The following GRXCR1 variants were observed in gnomAD, a reference collection of about 807,000 sequenced individuals.
The protein encoded by GRXCR1 is glutaredoxin and cysteine rich domain containing 1.
A neutral mutation model predicts 27.3 loss-of-function variants in GRXCR1; 27 were observed. The observed-to-expected ratio is 0.99, with a 90% CI of 0.73 to 1.37. The LOEUF (loss-of-function observed/expected upper bound fraction) is 1.37, where lower values mean the gene tolerates loss of function less well. Ranked by LOEUF, GRXCR1 falls within the 40% of genes most tolerant of loss-of-function variation. The pLI is 0.00. For synonymous variants in GRXCR1, 122 were observed against 131.1 expected, an observed-to-expected ratio of 0.93 and a Z score of 0.47; for missense variants, 379 against 354.4, an observed-to-expected ratio of 1.07 and a Z score of -0.56.
At chr4:42,982,504 T>C (rs1430995055) in intron 2 of GRXCR1, among the ~76,000 whole-genome samples, 4 of 121,644 alleles carry the variant, frequency 3.3e-5, no homozygotes, top group African/African-American at 6.3e-5. Context: ...TGAATAATGC[T>C]GCAATAAACA....
At chr4:42,938,745 T>C (rs1163610581) in intron 1 of GRXCR1, among the ~76,000 whole-genome samples, 2 of 152,006 alleles carry the variant, frequency 1.3e-5, no homozygotes, top group Non-Finnish European at 2.9e-5. Context: ...CCCAGCACCA[T>C]TAATTAAAGA....
rs180860200 is a variant in GRXCR1 at position 42,961,187 on chromosome 4, T to C, written c.385-1705T>C. Among the ~76,000 whole-genome samples the C allele has an allele frequency of 2.6e-5, 4 of 152,114 alleles. No homozygotes were observed. In the East Asian group the frequency reaches 7.8e-4, roughly 30 times the overall value. On this transcript the variant is annotated intron_variant, in intron 1 of 3. Transcript: ENST00000399770. ...CCTGCAAAGAACATGATCTCATTCA[T>C]TTTCATGACTGCATAGTATTCCATG...
chr4:42,893,679 T>C (rs765819566), intron 1 of GRXCR1, 29 bp downstream of exon 1: 2 of 1,605,774 alleles, frequency 1.2e-6, no homozygotes, highest in South Asian at 2.2e-5. Flanking sequence ...CTTCTCCTGC[T>C]CTTTGTTCCT....
rs756145715 is a variant in GRXCR1 at position 42,962,953 on chromosome 4, T to C, written c.446T>C (p.Val149Ala). Residue 149 changes from valine (V) to alanine (A), a missense_variant, in exon 2 of 4, where the codon GTC becomes GCC. By Grantham distance (64) the Val-to-Ala change is moderately conservative. Coordinates refer to ENST00000399770, the MANE Select transcript of GRXCR1 (RefSeq NM_001080476.3). ...VVIYTTCLRV[V>A]RTTFERCELV... ...ATTTATACCACCTGCCTTCGTGTGG[T>C]CCGGACAACCTTTGAAAGATGTGAA... is the stretch of plus-strand genomic sequence containing the variant. The C allele has an allele frequency of 3.7e-6, 6 of 1,612,842 alleles. No individual in the cohort carries two copies. In the South Asian group the frequency reaches 5.5e-5, roughly 15 times the overall value.
At chr4:43,004,289 A>G (rs1409853225) in intron 2 of GRXCR1, among the ~76,000 whole-genome samples, 1 of 152,218 alleles carries the variant, frequency 6.6e-6, no homozygotes, top group African/African-American at 2.4e-5. Context: ...GTATGGAAAC[A>G]CCTGGATGTC....
chr4:42,947,192 C>G (rs779443182), intron 1 of GRXCR1, among the ~76,000 whole-genome samples: 1 of 151,948 alleles, frequency 6.6e-6, no homozygotes, highest in Non-Finnish European at 1.5e-5. Context: ...AAATTTTGGA[C>G]GAGGTCATCA....
At chr4:42,918,331 A>G (rs908772552) in intron 1 of GRXCR1, among the ~76,000 whole-genome samples, 4 of 152,144 alleles carry the variant, frequency 2.6e-5, no homozygotes, top group African/African-American at 9.6e-5. Context: ...GGCCACTCTT[A>G]CTAGCACTGT....
At chr4:43,009,878 T>C (rs1246440751) in intron 2 of GRXCR1, among the ~76,000 whole-genome samples, 2 of 152,216 alleles carry the variant, frequency 1.3e-5, no homozygotes, top group Non-Finnish European at 2.9e-5. Context: ...TATCTATCTA[T>C]GTATCTATGT....
intron 2 of GRXCR1, among the ~76,000 whole-genome samples, chr4:43,012,318 G>A (rs1029568466): frequency 6.6e-6 from 1 of 152,126 alleles, no homozygotes; most frequent in Non-Finnish European, 1.5e-5. Context: ...ATTTTAACAA[G>A]CCATAAAATT....
In GRXCR1 at chr4:42,981,454, A is replaced by G. The variant is rs538148891; in HGVS notation, c.627+18320A>G. ...AATAGCTTTGAATTTTAACCTTCATATGAAAGATATAAGTGATGTACAAAC... is the reference window on the plus strand; with the variant it reads ...AATAGCTTTGAATTTTAACCTTCATGTGAAAGATATAAGTGATGTACAAAC... On this transcript the variant is annotated intron_variant, in intron 2 of 3. Transcript: ENST00000399770. Among the ~76,000 whole-genome samples, 129 of 152,302 alleles carry G rather than the reference A, an allele frequency of 8.5e-4. No individual in the cohort carries two copies. The South Asian group carries it at 0.018, about 21-fold the overall frequency.
intron 2 of GRXCR1, among the ~76,000 whole-genome samples, chr4:43,005,741 A>G (rs1200861235): frequency 6.6e-6 from 1 of 152,200 alleles, no homozygotes; most frequent in Non-Finnish European, 1.5e-5. Flanking sequence ...CCAAGCATCC[A>G]GCATCTGTTT....
chr4:42,933,557 C>G (rs187110758), intron 1 of GRXCR1, among the ~76,000 whole-genome samples: 3 of 152,022 alleles, frequency 2.0e-5, no homozygotes, highest in African/African-American at 7.2e-5. Context: ...ATATCTTCCT[C>G]AAATTCATAT....
At chr4:42,956,986 T>A (rs1431368536) in intron 1 of GRXCR1, among the ~76,000 whole-genome samples, 1 of 152,090 alleles carries the variant, frequency 6.6e-6, no homozygotes, top group Admixed American at 6.6e-5. Context: ...CAACCCTTCA[T>A]ACCTATCTAG....
At chr4:42,999,080 G>T (rs1712267270) in intron 2 of GRXCR1, among the ~76,000 whole-genome samples, 1 of 152,166 alleles carries the variant, frequency 6.6e-6, no homozygotes, top group African/African-American at 2.4e-5. Context: ...AATATTAAAA[G>T]CTGCAAAACT....
chr4:42,929,923 G>A lies in GRXCR1; in HGVS notation c.385-32969G>A, dbSNP rs554728538. On this transcript the variant is annotated intron_variant, in intron 1 of 3. Coordinates refer to ENST00000399770, the MANE Select transcript of GRXCR1 (RefSeq NM_001080476.3). ...CAATTCTATTACTATTTCCATTTTA[G>A]GGGTAAGGAAACTGAAGTATAAAGA... is the stretch of plus-strand genomic sequence containing the variant. 1.5e-4 allele frequency among the ~76,000 whole-genome samples: 23 copies of A among 151,844 alleles called. No individual in the cohort carries two copies. The East Asian group carries it at 2.1e-3, about 14-fold the overall frequency.
rs148943598 is a variant in GRXCR1, at chr4:42,980,007, A to G, written c.627+16873A>G. On this transcript the variant is annotated intron_variant, in intron 2 of 3. Transcript: ENST00000399770. ...TTGTATTTCTCTTGTATCAATTGTA[A>G]CATCTCCTTTTTCATACCTAATTTT... 3.3e-5 allele frequency among the ~76,000 whole-genome samples: 5 copies of G among 151,982 alleles called. No homozygotes were observed. The East Asian group carries it at 7.7e-4, about 23-fold the overall frequency.
At chr4:43,013,731 A>G (rs1712837940) in intron 2 of GRXCR1, among the ~76,000 whole-genome samples, 1 of 152,228 alleles carries the variant, frequency 6.6e-6, no homozygotes, top group Non-Finnish European at 1.5e-5. Context: ...TTTAAATAGA[A>G]CAGTCTTCTG....
intron 2 of GRXCR1, among the ~76,000 whole-genome samples, chr4:43,004,935 T>A (rs1470991766): frequency 6.6e-6 from 1 of 152,136 alleles, no homozygotes; most frequent in Non-Finnish European, 1.5e-5. Flanking sequence ...GAGAAGGACA[T>A]GAGATTTGGG....
intron 1 of GRXCR1, among the ~76,000 whole-genome samples, chr4:42,962,604 T>A (rs1276522628): frequency 6.6e-6 from 1 of 151,996 alleles, no homozygotes; most frequent in Non-Finnish European, 1.5e-5. Context: ...AGTCATTTAC[T>A]ATTTTACCAC....
Sources: allele counts gnomAD v4.1 joint callset (sites outside exome capture counted in the v4.1 genomes callset), GRCh38; gene constraint gnomAD v4.1.1; transcripts MANE v1.5; gene names NCBI Gene and HGNC (gene_info 2026-07-23, HGNC 2026-07-21).